Variants in STPG2 observed in about 807,000 individuals in gnomAD.
The protein encoded by STPG2 is sperm tail PG-rich repeat containing 2.
Under a neutral mutation model 54.2 loss-of-function variants are expected in STPG2, and 56 were observed. That is an observed-to-expected ratio of 1.03 (90% CI 0.83 to 1.29). The LOEUF (loss-of-function observed/expected upper bound fraction) is 1.29, where lower values mean the gene tolerates loss of function less well. STPG2 is among the 50% of genes most tolerant of loss of function. The pLI is 0.00. For synonymous variants in STPG2, 200 were observed against 181.8 expected (o/e 1.10, Z -0.81); for missense variants, 596 against 544.9 (o/e 1.09, Z -0.93).
intron 5 of STPG2, among the ~76,000 whole-genome samples, chr4:98,064,773 G>A (rs1737774119): frequency 6.6e-6 from 1 of 152,144 alleles, no homozygotes; most frequent in South Asian, 2.1e-4. Context: ...ATTTCTCAAT[G>A]TATCTGTCTT....
chr4:97,761,562 C>A (rs1234208140), intron 9 of STPG2, among the ~76,000 whole-genome samples: 1 of 152,142 alleles, frequency 6.6e-6, no homozygotes, highest in Non-Finnish European at 1.5e-5. Context: ...TTAAGCCACC[C>A]AGCTTATGGT....
At chr4:98,068,612 C>G (rs931681626) in intron 5 of STPG2, among the ~76,000 whole-genome samples, 84 of 152,224 alleles carry the variant, frequency 5.5e-4, no homozygotes, top group Non-Finnish European at 9.9e-4. Context: ...TTTAGGGGCT[C>G]TCTGGGTCCA....
intron 9 of STPG2, among the ~76,000 whole-genome samples, chr4:97,749,615 T>C (rs934596999): frequency 6.6e-6 from 1 of 151,704 alleles, no homozygotes. Context: ...TAGATCTCAG[T>C]TGACCCGGAA....
At chr4:97,748,305 G>C (rs535917080) in intron 9 of STPG2, among the ~76,000 whole-genome samples, 1 of 151,520 alleles carries the variant, frequency 6.6e-6, no homozygotes, top group South Asian at 2.1e-4. Context: ...TTACTATTTT[G>C]TCATTATTTA....
At chr4:97,708,923 T>C (rs951526888) in intron 10 of STPG2, among the ~76,000 whole-genome samples, 2 of 151,800 alleles carry the variant, frequency 1.3e-5, no homozygotes, top group African/African-American at 4.8e-5. Context: ...TTCATTTGAG[T>C]AAAATTTTCT....
chr4:97,784,106 G>C (rs537825823), intron 9 of STPG2, among the ~76,000 whole-genome samples: 1 of 148,692 alleles, frequency 6.7e-6, no homozygotes, highest in South Asian at 2.1e-4. Flanking sequence ...AAATCAGAAA[G>C]TATCTGGAAC....
Position 97,508,368 on chromosome 4 carries a change from C to A in STPG2, c.462+204331G>T, listed in dbSNP as rs370006074. Among the ~76,000 whole-genome samples, 14 of 152,122 alleles carry A rather than the reference C, an allele frequency of 9.2e-5. No homozygotes were observed. The South Asian group carries it at 1.5e-3, about 16-fold the overall frequency. On this transcript the variant is annotated intron_variant, in intron 4 of 4. Coordinates refer to the STPG2 transcript ENST00000522676. ...GACAGATAATGGACACATGACACAT[C>A]TATGGCACATTTCATACTACAAAAA...
At chr4:98,016,724 A>G (rs1442755144) in intron 5 of STPG2, among the ~76,000 whole-genome samples, 2 of 152,104 alleles carry the variant, frequency 1.3e-5, no homozygotes, top group Non-Finnish European at 2.9e-5. Context: ...CTTCTTTAAC[A>G]CAATGGTTCT....
chr4:98,121,561 C>T (rs1739679697), intron 3 of STPG2, among the ~76,000 whole-genome samples: 1 of 152,160 alleles, frequency 6.6e-6, no homozygotes, highest in Non-Finnish European at 1.5e-5. Context: ...GTTCTGGCTT[C>T]CTTGAGCAGA....
chr4:97,493,644 G>T (rs1730548644), intron 4 of STPG2, among the ~76,000 whole-genome samples: 2 of 151,474 alleles, frequency 1.3e-5, no homozygotes, highest in Admixed American at 6.6e-5. Context: ...CTTAGTTCTG[G>T]CTAAGATTTT....
intron 10 of STPG2, among the ~76,000 whole-genome samples, chr4:97,678,516 C>T (rs1180828064): frequency 1.3e-5 from 2 of 152,008 alleles, no homozygotes; most frequent in South Asian, 2.1e-4. Context: ...TTACCATGCA[C>T]CATACAGCCT....
chr4:98,021,967 A>T (rs1224471338), intron 5 of STPG2, among the ~76,000 whole-genome samples: 1 of 151,616 alleles, frequency 6.6e-6, no homozygotes, highest in Non-Finnish European at 1.5e-5. Context: ...TTGACTCTTT[A>T]TCCAATTTGC....
At chr4:97,468,780 T>C (rs753571689) in intron 4 of STPG2, among the ~76,000 whole-genome samples, 12 of 152,178 alleles carry the variant, frequency 7.9e-5, no homozygotes, top group Middle Eastern at 6.8e-3. Flanking sequence ...AATTCTTCCA[T>C]GTGTCAAATA....
rs542006864 is a variant in STPG2, at chr4:97,825,553, T to C, written c.1204+15220A>G. On this transcript the variant is annotated intron_variant, in intron 9 of 10. Transcript: ENST00000295268. ...AAATGGGACCCTTAAATTCTAGAAA[T>C]CTGTTTTACCTCCCAACTGTGCCTG... Among the ~76,000 whole-genome samples the C allele has an allele frequency of 6.6e-4, 100 of 152,202 alleles. 1 individual carries two copies. The South Asian group carries it at 0.02, about 30-fold the overall frequency.
chr4:98,075,855 T>C (rs1003574903), intron 5 of STPG2, among the ~76,000 whole-genome samples: 2 of 152,230 alleles, frequency 1.3e-5, no homozygotes, highest in Admixed American at 6.5e-5. Context: ...CATAAAGTTA[T>C]ATTTTTTAGG....
intron 9 of STPG2, among the ~76,000 whole-genome samples, chr4:97,749,382 T>C (rs1322166610): frequency 6.6e-6 from 1 of 151,754 alleles, no homozygotes; most frequent in Non-Finnish European, 1.5e-5. Context: ...TTCACTGTTT[T>C]ATTCTGTATA....
intron 7 of STPG2, among the ~76,000 whole-genome samples, chr4:97,966,404 T>A (rs1254001669): frequency 1.3e-5 from 2 of 152,182 alleles, no homozygotes; most frequent in Non-Finnish European, 2.9e-5. Flanking sequence ...TTGATTGTTG[T>A]ACCAGAAAGT....
intron 5 of STPG2, among the ~76,000 whole-genome samples, chr4:98,056,111 C>G (rs997084379): frequency 6.6e-6 from 1 of 152,074 alleles, no homozygotes; most frequent in East Asian, 1.9e-4. Flanking sequence ...CTGCTTTGCC[C>G]CCCCCCAAAT....
chr4:97,906,469 C>T (rs948321557), intron 8 of STPG2, among the ~76,000 whole-genome samples: 2 of 152,196 alleles, frequency 1.3e-5, no homozygotes, highest in African/African-American at 4.8e-5. Flanking sequence ...CCTTCTGAAA[C>T]TATTCCTATC....
Sources: gnomAD v4.1 joint callset for allele counts (sites outside exome capture counted in the v4.1 genomes callset) on GRCh38, gnomAD v4.1.1 for gene constraint, MANE v1.5 for transcripts, NCBI Gene and HGNC (gene_info 2026-07-23, HGNC 2026-07-21) for gene names.